RASSF6: variants seen among roughly 807,000 people sequenced by gnomAD.
The protein encoded by RASSF6 is Ras association domain family member 6, also known as ras association domain-containing protein 6.
In RASSF6, 52 loss-of-function variants were observed where a neutral mutation model predicts 44.0. The ratio of observed to expected loss-of-function variants is 1.18; its 90% CI spans 0.95 to 1.49. RASSF6 has a LOEUF of 1.49. Among genes scored for constraint, RASSF6 ranks in the 40% most tolerant of loss-of-function variants. The probability of loss-of-function intolerance (pLI) is 0.00; values close to 1 mark genes in which losing one functional copy is unlikely to be tolerated. For missense variants in RASSF6, 464 were observed against 393.3 expected (o/e 1.18, Z -1.52); for synonymous variants, 162 against 124.6 (o/e 1.30, Z -2.00).
chr4:73,616,916 A>T (rs1277124705), intron 1 of RASSF6, among the ~76,000 whole-genome samples: 2 of 152,228 alleles, frequency 1.3e-5, no homozygotes, highest in African/African-American at 4.8e-5. Context: ...ATGCAATTAC[A>T]TCACTTCAAG....
At chr4:73,592,958 A>C (rs897164632) in intron 4 of RASSF6, among the ~76,000 whole-genome samples, 1 of 151,862 alleles carries the variant, frequency 6.6e-6, no homozygotes, top group African/African-American at 2.4e-5. Flanking sequence ...GGGATCTTGC[A>C]CAAATTAGTT....
At chr4:73,576,362 T>C in intron 10 of RASSF6, 48 bp downstream of exon 10, 1 of 1,469,160 alleles carries the variant, frequency 6.8e-7, no homozygotes, top group East Asian at 2.3e-5. Context: ...TTTTGTGCAT[T>C]GGACATATTA....
chr4:73,576,324 GAAGA>G lies in RASSF6; in HGVS notation c.939-18_939-15del, dbSNP rs745317844. 6.6e-7 allele frequency: 1 copy of G among 1,516,314 alleles called. No homozygotes were observed. Among genetic ancestry groups the G allele is most frequent in the South Asian group, 1.2e-5 (1 of 85,940 alleles). 93.9% of individuals were successfully genotyped at this position (1,516,314 alleles called of 1,614,324 possible). On this transcript the variant is annotated splice_polypyrimidine_tract_variant and intron_variant, in intron 10 of 10. Coordinates refer to ENST00000307439, the MANE Select transcript of RASSF6 (RefSeq NM_177532.5). ...TCTTTATTGAATCTGAAAATGAGAA[GAAGA>G]AAGACTATTAAAAATTGGACATATT...
rs1560466666 is a variant in RASSF6, at chr4:73,620,270, CCCA to C, written c.-35+15_-35+17del. 7.2e-7 allele frequency: 1 copy of C among 1,390,996 alleles called. No homozygotes were observed. Among genetic ancestry groups the C allele is most frequent in the African/African-American group, 1.5e-5 (1 of 66,680 alleles). The allele number at this position is 1,390,996 out of a possible 1,614,324, so 86.2% of individuals were successfully genotyped here. On this transcript the variant is annotated intron_variant, in intron 1 of 10. Transcript: ENST00000307439. ...GGGAGTGGATTAGAAAGTTTTTTTC[CCCA>C]TCCCCATTTTTTACCTGTTATTCAC...
chr4:73,610,729 C>A (rs748006624), intron 2 of RASSF6, among the ~76,000 whole-genome samples: 1 of 152,182 alleles, frequency 6.6e-6, no homozygotes, highest in African/African-American at 2.4e-5. Flanking sequence ...CAATCAGAAC[C>A]CTTTCCGCTC....
At chr4:73,577,890 T>A (rs1723338063) in intron 8 of RASSF6, among the ~76,000 whole-genome samples, 1 of 152,200 alleles carries the variant, frequency 6.6e-6, no homozygotes, top group African/African-American at 2.4e-5. Flanking sequence ...GGAATCTGTA[T>A]TTTAAGTGAA....
At chr4:73,579,356 G>C (rs955716572) in intron 8 of RASSF6, among the ~76,000 whole-genome samples, 1 of 152,130 alleles carries the variant, frequency 6.6e-6, no homozygotes, top group Non-Finnish European at 1.5e-5. Context: ...AATAAATATT[G>C]CAAGAATAAA....
At chr4:73,594,100 T>G (rs540667086) in intron 3 of RASSF6, among the ~76,000 whole-genome samples, 2 of 152,332 alleles carry the variant, frequency 1.3e-5, no homozygotes, top group Admixed American at 6.5e-5. Flanking sequence ...ATAGATATAT[T>G]TTTTGTAAAA....
chr4:73,577,396 C>T (rs1342693690), intron 8 of RASSF6, among the ~76,000 whole-genome samples: 1 of 152,130 alleles, frequency 6.6e-6, no homozygotes, highest in Non-Finnish European at 1.5e-5. Context: ...AAAGTAGTTT[C>T]ACATCTGGGA....
upstream of RASSF6, chr4:73,620,461 G>A (rs747745050): frequency 3.9e-6 from 6 of 1,547,158 alleles, no homozygotes; most frequent in South Asian, 4.8e-5. Flanking sequence ...TCCGAGGCCC[G>A]CGCGGGCGCA....
At chr4:73,601,915 C>T (rs1206000216) in intron 2 of RASSF6, among the ~76,000 whole-genome samples, 2 of 152,180 alleles carry the variant, frequency 1.3e-5, no homozygotes, top group African/African-American at 2.4e-5. Context: ...GATACAGTTG[C>T]TGTGTGAGCA....
chr4:73,574,898 A>C lies in RASSF6; in HGVS notation c.*1337T>G, dbSNP rs1027092979. ...AAGTATGTTGAATTTTAACTATTACATTTGCCTCATTTAAGTGAGATGAGA... is the reference window on the plus strand; with the variant it reads ...AAGTATGTTGAATTTTAACTATTACCTTTGCCTCATTTAAGTGAGATGAGA... On this transcript the variant is annotated 3_prime_UTR_variant, in exon 11 of 11. Transcript: ENST00000307439. The C allele has an allele frequency of 6.6e-6, 1 of 152,016 alleles. No individual in the cohort carries two copies. The highest frequency in any genetic ancestry group is 2.4e-5 in the African/African-American group (1 of 41,414). The allele number at this position is 152,016 out of a possible 1,614,324, so 9.4% of individuals were successfully genotyped here. A position where few individuals can be genotyped will look rare whatever the true frequency, so the allele number is the denominator to read the frequency against.
chr4:73,592,053 C>T (rs548760467), intron 4 of RASSF6, among the ~76,000 whole-genome samples: 2 of 152,146 alleles, frequency 1.3e-5, no homozygotes, highest in Non-Finnish European at 2.9e-5. Flanking sequence ...ACCTCACCTG[C>T]GTCTTAAAGG....
Position 73,585,237 on chromosome 4 carries a change from G to A in RASSF6, c.510C>T (p.Asp170=), listed in dbSNP as rs1324161118. 2 of 1,612,432 alleles carry A rather than the reference G, an allele frequency of 1.2e-6. No homozygotes were observed. The highest frequency in any genetic ancestry group is 3.3e-5 in the Admixed American group (2 of 59,896). Reference sequence around the variant, plus strand: ...CTCTATTTTTCTGTCTTTCTTTTCTGTCCATCATCAGAGGCTTCATCCTTT... The same window carrying A: ...CTCTATTTTTCTGTCTTTCTTTTCTATCCATCATCAGAGGCTTCATCCTTT... ...VRKRMKPLMM[D]RKERQKNRAS... Residue 170 remains aspartate, a synonymous_variant, in exon 6 of 11, where the codon GAC becomes GAT. Coordinates refer to ENST00000307439, the MANE Select transcript of RASSF6 (RefSeq NM_177532.5).
chr4:73,620,013 A>T (rs1374085443), intron 1 of RASSF6, among the ~76,000 whole-genome samples: 2 of 152,044 alleles, frequency 1.3e-5, no homozygotes, highest in Non-Finnish European at 2.9e-5. Context: ...AACTAAAGGG[A>T]GGAGGGGTCC....
intron 5 of RASSF6, 56 bp from the exon 6 acceptor site, chr4:73,585,420 T>C (rs1724015588): frequency 1.6e-6 from 2 of 1,218,090 alleles, no homozygotes; most frequent in Admixed American, 2.6e-5. Flanking sequence ...CCTAGCATCC[T>C]GAGTGGATTT....
At chr4:73,591,964 G>A (rs1724594562) in intron 4 of RASSF6, among the ~76,000 whole-genome samples, 2 of 151,612 alleles carry the variant, frequency 1.3e-5, no homozygotes, top group Non-Finnish European at 2.9e-5. Flanking sequence ...GACTGCATGT[G>A]TGTCAAGTGA....
intron 1 of RASSF6, among the ~76,000 whole-genome samples, chr4:73,616,291 T>G (rs2149401459): frequency 6.6e-6 from 1 of 152,210 alleles, no homozygotes; most frequent in Non-Finnish European, 1.5e-5. Flanking sequence ...AGGTGCTAAC[T>G]TCCCTGTATT....
chr4:73,581,682 A>T, intron 8 of RASSF6, 135 bp downstream of exon 8: 1 of 574,060 alleles, frequency 1.7e-6, no homozygotes, highest in Non-Finnish European at 3.1e-6. Flanking sequence ...TGTTCTAAAG[A>T]CCACTCCTTC....
Sources: gnomAD v4.1 joint callset for allele counts (sites outside exome capture counted in the v4.1 genomes callset) on GRCh38, gnomAD v4.1.1 for gene constraint, MANE v1.5 for transcripts, NCBI Gene and HGNC (gene_info 2026-07-23, HGNC 2026-07-21) for gene names.